The following CTNNA3 variants were observed in gnomAD, a reference collection of about 807,000 sequenced individuals.
CTNNA3 encodes catenin alpha-3.
Under a neutral mutation model 95.7 loss-of-function variants are expected in CTNNA3, and 76 were observed. The observed-to-expected ratio is 0.79, with a 90% CI of 0.66 to 0.96. The LOEUF is 0.96. Ranked by LOEUF, CTNNA3 falls within the 40% of genes least tolerant of loss-of-function variation. CTNNA3 has a pLI of 0.00. For missense variants in CTNNA3, 1,191 were observed against 1,089.8 expected, an observed-to-expected ratio of 1.09 and a Z score of -1.31; for synonymous variants, 431 against 374.4, an observed-to-expected ratio of 1.15 and a Z score of -1.74.
At chr10:67,379,251 T>C (rs781243728) in intron 5 of CTNNA3, among the ~76,000 whole-genome samples, 48 of 152,174 alleles carry the variant, frequency 3.2e-4, no homozygotes, top group Non-Finnish European at 6.2e-4. Context: ...AGCATAGAAG[T>C]AGGAGTCAGG....
chr10:67,404,450 A>T (rs572734016), intron 5 of CTNNA3, among the ~76,000 whole-genome samples: 1 of 152,170 alleles, frequency 6.6e-6, no homozygotes, highest in African/African-American at 2.4e-5. Flanking sequence ...AGCAGAAGAA[A>T]GAATCTCAGA....
At chr10:67,751,352 C>A (rs11814376) in intron 1 of CTNNA3, 2 of 652,314 alleles carry the variant, frequency 3.1e-6, no homozygotes, top group Non-Finnish European at 5.6e-6. Context: ...CGTCCTGTTG[C>A]AGGCCAGAAT....
chr10:66,441,525 T>C (rs1400027268), intron 11 of CTNNA3, among the ~76,000 whole-genome samples: 3 of 152,206 alleles, frequency 2.0e-5, no homozygotes, highest in Non-Finnish European at 4.4e-5. Flanking sequence ...TAAATATTGC[T>C]TTGCTATTCC....
At chr10:66,386,296 C>T (rs553776925) in intron 11 of CTNNA3, among the ~76,000 whole-genome samples, 2 of 152,042 alleles carry the variant, frequency 1.3e-5, no homozygotes, top group African/African-American at 4.8e-5. Flanking sequence ...TCCTATACAC[C>T]ATTAACAGAC....
chr10:66,385,865 GA>G (rs1360998832), intron 11 of CTNNA3, among the ~76,000 whole-genome samples: 3 of 152,244 alleles, frequency 2.0e-5, no homozygotes, highest in Non-Finnish European at 4.4e-5. Context: ...AATAGATGCA[GA>G]AAAGGCCTTT....
At chr10:66,009,800 A>G (rs189751206) in intron 15 of CTNNA3, among the ~76,000 whole-genome samples, 5 of 152,338 alleles carry the variant, frequency 3.3e-5, no homozygotes, top group Non-Finnish European at 1.5e-5. Flanking sequence ...GGCATGGTCC[A>G]TGGCTGACTC....
chr10:66,659,181 A>AAC (rs10565151), intron 9 of CTNNA3, among the ~76,000 whole-genome samples: 13,602 of 145,548 alleles, frequency 0.093, 645 homozygotes, highest in Non-Finnish European at 0.11. Flanking sequence ...TAATTAAGAA[A>AAC]ACACACACAC....
intron 11 of CTNNA3, among the ~76,000 whole-genome samples, chr10:66,399,184 C>G (rs1249803522): frequency 6.6e-6 from 1 of 150,540 alleles, no homozygotes; most frequent in African/African-American, 2.4e-5. Context: ...TTGACATAAG[C>G]TTTGTTTTCT....
chr10:66,401,822 C>G (rs1421090470), intron 11 of CTNNA3, among the ~76,000 whole-genome samples: 3 of 151,876 alleles, frequency 2.0e-5, no homozygotes, highest in Non-Finnish European at 2.9e-5. Flanking sequence ...CCACACCCAG[C>G]TAATTTTTGT....
chr10:66,695,527 T>C (rs1461193081), intron 9 of CTNNA3, among the ~76,000 whole-genome samples: 5 of 152,120 alleles, frequency 3.3e-5, no homozygotes, highest in Non-Finnish European at 7.3e-5. Flanking sequence ...GAATCTATTA[T>C]TATCCTCGAA....
chr10:67,406,952 TAACC>T (rs1845159855), intron 5 of CTNNA3, among the ~76,000 whole-genome samples: 1 of 151,954 alleles, frequency 6.6e-6, no homozygotes, highest in Non-Finnish European at 1.5e-5. Context: ...AAAAAGCCCA[TAACC>T]AGATGGATTC....
At chr10:66,878,066 T>A (rs1478206248) in intron 7 of CTNNA3, among the ~76,000 whole-genome samples, 2 of 152,078 alleles carry the variant, frequency 1.3e-5, no homozygotes, top group Non-Finnish European at 2.9e-5. Context: ...TTTTCGGAAG[T>A]CAGGAAAGGA....
intron 10 of CTNNA3, among the ~76,000 whole-genome samples, chr10:66,590,231 G>A (rs188041272): frequency 6.6e-6 from 1 of 152,142 alleles, no homozygotes; most frequent in African/African-American, 2.4e-5. Flanking sequence ...ACTTACAAAG[G>A]AGGGACTGAA....
chr10:67,519,729 A>G (rs1258791219), intron 5 of CTNNA3, among the ~76,000 whole-genome samples: 1 of 152,198 alleles, frequency 6.6e-6, no homozygotes, highest in Admixed American at 6.5e-5. Context: ...TGGTTGGACC[A>G]GGGAACAAAC....
At chr10:66,033,558 ACAAT>A (rs2079494529) in intron 15 of CTNNA3, among the ~76,000 whole-genome samples, 1 of 151,968 alleles carries the variant, frequency 6.6e-6, no homozygotes, top group Non-Finnish European at 1.5e-5. Context: ...GTGTGTGTAT[ACAAT>A]AGCACTCATT....
chr10:66,503,336 G>T (rs1404042493), intron 11 of CTNNA3, among the ~76,000 whole-genome samples: 2 of 152,080 alleles, frequency 1.3e-5, no homozygotes, highest in Admixed American at 1.3e-4. Context: ...ATGAGTACAT[G>T]AATAAATAAA....
At chr10:67,385,837 A>C (rs78081822) in intron 5 of CTNNA3, among the ~76,000 whole-genome samples, 1 of 130,936 alleles carries the variant, frequency 7.6e-6, no homozygotes, top group Non-Finnish European at 1.6e-5. Context: ...GAAGGATCTC[A>C]AAAAAAAAAA....
rs1332056436 is a variant in CTNNA3, at chr10:67,221,507, G to A, written c.580-1637C>T. 3.9e-5 allele frequency among the ~76,000 whole-genome samples: 6 copies of A among 152,254 alleles called. No homozygotes were observed. In the South Asian group the frequency reaches 8.3e-4, roughly 21 times the overall value. ...TGGTATTTCTTGTATTGTAACCCAC[G>A]TCAGTATAACTTCCAAGCCCTTATC... On this transcript the variant is annotated intron_variant, in intron 5 of 17. Transcript: ENST00000433211.
chr10:66,905,721 C>T (rs1845961142), intron 7 of CTNNA3, among the ~76,000 whole-genome samples: 4 of 152,052 alleles, frequency 2.6e-5, no homozygotes, highest in Admixed American at 2.6e-4. Context: ...ATGCATTACG[C>T]TAAGTGAAAT....
Sources: allele counts gnomAD v4.1 joint callset (sites outside exome capture counted in the v4.1 genomes callset), GRCh38; gene constraint gnomAD v4.1.1; transcripts MANE v1.5; gene names NCBI Gene and HGNC (gene_info 2026-07-23, HGNC 2026-07-21).